YAP1: variants seen among roughly 807,000 people sequenced by gnomAD.
YAP1 encodes the protein Yes1 associated transcriptional regulator.
Under a neutral mutation model 56.9 loss-of-function variants are expected in YAP1, and 5 were observed. That is an observed-to-expected ratio of 0.09 (90% confidence interval 0.05 to 0.18). The LOEUF is 0.18. YAP1 is among the 10% of genes least tolerant of loss of function. The pLI, the probability that YAP1 is intolerant of heterozygous loss-of-function variation, is 1.00. For missense variants in YAP1, 539 were observed against 651.8 expected (o/e 0.83, Z 1.88); for synonymous variants, 265 against 248.1 (o/e 1.07, Z -0.64).
chr11:102,156,604 C>T (rs558489115), intron 2 of YAP1, among the ~76,000 whole-genome samples: 24 of 152,302 alleles, frequency 1.6e-4, no homozygotes, highest in Middle Eastern at 3.4e-3. Flanking sequence ...TCTTTGTTTT[C>T]AGTTCATACT....
chr11:102,214,616 GAT>G (rs1949571460), intron 6 of YAP1, among the ~76,000 whole-genome samples: 1 of 151,952 alleles, frequency 6.6e-6, no homozygotes, highest in Non-Finnish European at 1.5e-5. Context: ...TCGAAGTTCT[GAT>G]ATTAAATAAA....
At chr11:102,199,156 C>T (rs1342919411) in intron 4 of YAP1, among the ~76,000 whole-genome samples, 1 of 152,166 alleles carries the variant, frequency 6.6e-6, no homozygotes, top group Non-Finnish European at 1.5e-5. Context: ...GGAGCACCCA[C>T]TATTCCAGGT....
chr11:102,185,924 G>C lies in YAP1; in HGVS notation c.689-94G>C. ...GTTTCAATGAATTGTTTTATGTTAA[G>C]ATGTGTTTTCTTTTTAAATTAGTAC... On this transcript the variant is annotated intron_variant, in intron 3 of 8. Coordinates refer to ENST00000282441, the MANE Select transcript of YAP1 (RefSeq NM_001130145.3). The C allele has an allele frequency of 2.5e-6, 3 of 1,221,736 alleles. No homozygotes were observed. The South Asian group carries it at 4.6e-5, about 19-fold the overall frequency. 75.7% of individuals were successfully genotyped at this position (1,221,736 alleles called of 1,614,324 possible). A position where few individuals can be genotyped will look rare whatever the true frequency, so the allele number is the denominator to read the frequency against.
chr11:102,132,055 T>G (rs1443267338), intron 2 of YAP1, among the ~76,000 whole-genome samples: 1 of 151,746 alleles, frequency 6.6e-6, no homozygotes, highest in Non-Finnish European at 1.5e-5. Context: ...GAGGTGGAGG[T>G]TGCAGTGAGC....
chr11:102,213,832 C>G (rs1308885967), intron 6 of YAP1, among the ~76,000 whole-genome samples: 1 of 152,228 alleles, frequency 6.6e-6, no homozygotes, highest in East Asian at 1.9e-4. Flanking sequence ...AATCCCAGCA[C>G]TTTGAGAGGC....
chr11:102,127,187 A>G (rs111659363), intron 2 of YAP1, among the ~76,000 whole-genome samples: 245 of 152,368 alleles, frequency 1.6e-3, no homozygotes, highest in African/African-American at 5.5e-3. Context: ...AGAAATTTGC[A>G]TAAGTAGCAA....
intron 2 of YAP1, among the ~76,000 whole-genome samples, chr11:102,155,664 C>T (rs1275726545): frequency 6.6e-6 from 1 of 152,220 alleles, no homozygotes; most frequent in African/African-American, 2.4e-5. Flanking sequence ...ATTTTCCTGA[C>T]TCTTTTCCTG....
At chr11:102,215,071 G>A (rs750608125) in intron 6 of YAP1, among the ~76,000 whole-genome samples, 56 of 152,084 alleles carry the variant, frequency 3.7e-4, no homozygotes, top group Non-Finnish European at 7.8e-4. Context: ...TAAAGCATTG[G>A]CTCAGTGTTT....
chr11:102,113,387 A>T (rs1181608419), intron 1 of YAP1, among the ~76,000 whole-genome samples: 1 of 152,242 alleles, frequency 6.6e-6, no homozygotes, highest in Non-Finnish European at 1.5e-5. Flanking sequence ...GTTCAGTGTC[A>T]CACTAGCCAA....
At chr11:102,206,717 C>T (rs1274829108) in intron 5 of YAP1, among the ~76,000 whole-genome samples, 1 of 152,150 alleles carries the variant, frequency 6.6e-6, no homozygotes, top group Non-Finnish European at 1.5e-5. Context: ...GTGGCACACA[C>T]CTGTAATCTC....
chr11:102,174,839 A>T (rs1179887169), intron 3 of YAP1, among the ~76,000 whole-genome samples: 4 of 152,196 alleles, frequency 2.6e-5, no homozygotes, highest in African/African-American at 7.2e-5. Context: ...TGCTATAAAG[A>T]GGACATGAAC....
chr11:102,205,441 TA>T (rs1264362849), intron 4 of YAP1, among the ~76,000 whole-genome samples: 1 of 152,206 alleles, frequency 6.6e-6, no homozygotes. Context: ...TCAGAAGTTA[TA>T]AATAAGGTTC....
At chr11:102,151,237 T>C (rs1945639694) in intron 2 of YAP1, among the ~76,000 whole-genome samples, 1 of 152,234 alleles carries the variant, frequency 6.6e-6, no homozygotes, top group South Asian at 2.1e-4. Flanking sequence ...ATTTGGTTGC[T>C]AGAATCATGT....
At chr11:102,228,585 A>G (rs1251659011) in intron 8 of YAP1, among the ~76,000 whole-genome samples, 1 of 146,326 alleles carries the variant, frequency 6.8e-6, no homozygotes, top group Non-Finnish European at 1.5e-5. Context: ...CAGTGAGCCA[A>G]GATCACACCA....
In YAP1 at chr11:102,230,112, AATGTATTGCTG is replaced by A. The variant is rs1300705755; in HGVS notation, c.*174_*184del. ...CTCTTCCTTGTCCATTGCTGCTGTT[AATGTATTGCTG>A]ACCTCTTTCACAGTTGGCTCTAAAG... On this transcript the variant is annotated 3_prime_UTR_variant, in exon 9 of 9. Coordinates refer to ENST00000282441, the MANE Select transcript of YAP1 (RefSeq NM_001130145.3). 1 of 601,318 alleles carries A rather than the reference AATGTATTGCTG, an allele frequency of 1.7e-6. No individual in the cohort carries two copies. Among genetic ancestry groups the A allele is most frequent in the Non-Finnish European group, 2.9e-6 (1 of 342,030 alleles). The allele number at this position is 601,318 out of a possible 1,614,324, so 37.2% of individuals were successfully genotyped here.
intron 4 of YAP1, among the ~76,000 whole-genome samples, chr11:102,189,757 A>C (rs1478872008): frequency 6.6e-6 from 1 of 152,220 alleles, no homozygotes; most frequent in African/African-American, 2.4e-5. Flanking sequence ...ATGTCTTGAA[A>C]TAAGAAATAA....
At position 102,142,884 on chromosome 11, in the gene YAP1, T is replaced by G. The variant is rs1218339034; in HGVS notation, c.573-19572T>G. ...GAACTTCGTTTTGAGCATATAACAT[T>G]TGTTTTATGTCCTGCATTTGATATT... On this transcript the variant is annotated intron_variant, in intron 2 of 8. Transcript: ENST00000282441. 2.6e-5 allele frequency among the ~76,000 whole-genome samples: 4 copies of G among 152,192 alleles called. No homozygotes were observed. In the East Asian group the frequency reaches 7.7e-4, roughly 29 times the overall value.
intron 2 of YAP1, among the ~76,000 whole-genome samples, chr11:102,161,053 C>CTTTT (rs67023819): frequency 0.032 from 2,390 of 75,484 alleles, 4 homozygotes; most frequent in Non-Finnish European, 0.037. Flanking sequence ...TAATTTCTTT[C>CTTTT]TTTTTTTTTT....
At chr11:102,181,220 C>T (rs908749794) in intron 3 of YAP1, among the ~76,000 whole-genome samples, 5 of 151,716 alleles carry the variant, frequency 3.3e-5, no homozygotes, top group South Asian at 2.1e-4. Context: ...TTGAGGTGGG[C>T]GGATCACGAG....
Sources: gnomAD v4.1 joint callset for allele counts (sites outside exome capture counted in the v4.1 genomes callset) on GRCh38, gnomAD v4.1.1 for gene constraint, MANE v1.5 for transcripts, NCBI Gene and HGNC (gene_info 2026-07-23, HGNC 2026-07-21) for gene names.